Variants in SLC35F3 observed in about 807,000 individuals in gnomAD.
SLC35F3 encodes solute carrier family 35 member F3.
Under a neutral mutation model 49.9 loss-of-function variants are expected in SLC35F3, and 25 were observed. The ratio of observed to expected loss-of-function variants is 0.50; its 90% CI spans 0.37 to 0.70. The LOEUF is 0.70. Ranked by LOEUF, SLC35F3 falls within the 30% of genes least tolerant of loss-of-function variation. The pLI is 0.00. For synonymous variants in SLC35F3, 275 were observed against 265.4 expected, an observed-to-expected ratio of 1.04 and a Z score of -0.35; for missense variants, 525 against 639.8, an observed-to-expected ratio of 0.82 and a Z score of 1.94.
intron 3 of SLC35F3, among the ~76,000 whole-genome samples, chr1:234,293,981 G>C (rs1570105): frequency 6.6e-6 from 1 of 151,956 alleles, no homozygotes; most frequent in Admixed American, 6.6e-5. Context: ...TCCACAAGTC[G>C]TTATGTCTCT....
intron 2 of SLC35F3, among the ~76,000 whole-genome samples, chr1:234,139,317 T>C (rs958186489): frequency 1.3e-5 from 2 of 152,248 alleles, no homozygotes; most frequent in African/African-American, 4.8e-5. Context: ...TTATCACTGA[T>C]ATCTCTTCCA....
chr1:234,210,713 G>A (rs112614380), intron 2 of SLC35F3, among the ~76,000 whole-genome samples: 1,706 of 152,344 alleles, frequency 0.011, 22 homozygotes, highest in Middle Eastern at 0.085. Flanking sequence ...TTTGAAAAGG[G>A]AAGCAGAGCA....
chr1:234,226,963 A>G (rs12043208), intron 2 of SLC35F3, among the ~76,000 whole-genome samples: 12 of 122,170 alleles, frequency 9.8e-5, no homozygotes, highest in East Asian at 2.2e-3. Flanking sequence ...GCACGCGTGC[A>G]CACACACACA....
At chr1:233,968,003 A>G (rs950690920) in intron 2 of SLC35F3, among the ~76,000 whole-genome samples, 3 of 152,188 alleles carry the variant, frequency 2.0e-5, no homozygotes, top group Non-Finnish European at 4.4e-5. Flanking sequence ...GATGGCTGAA[A>G]ATAATAAACC....
chr1:233,923,893 T>G lies in SLC35F3; in HGVS notation c.283+18135T>G, dbSNP rs1478672713. On this transcript the variant is annotated intron_variant, in intron 2 of 7. Coordinates refer to ENST00000366618, the MANE Select transcript of SLC35F3 (RefSeq NM_173508.4). ...TGTTGAAGGCCTTTTCTGCATCTAT[T>G]GAGATAATCATGTGGTTTTTGTCGA... Among the ~76,000 whole-genome samples, 4 of 152,308 alleles carry G rather than the reference T, an allele frequency of 2.6e-5. No homozygotes were observed. In the East Asian group the frequency reaches 7.7e-4, roughly 29 times the overall value.
intron 3 of SLC35F3, among the ~76,000 whole-genome samples, chr1:234,275,036 C>A (rs986595281): frequency 1.1e-4 from 17 of 152,204 alleles, no homozygotes; most frequent in African/African-American, 4.1e-4. Context: ...ATTGCCACAA[C>A]CCTTCTGAAA....
chr1:234,042,134 C>G (rs1293360392), intron 2 of SLC35F3, among the ~76,000 whole-genome samples: 1 of 152,210 alleles, frequency 6.6e-6, no homozygotes. Context: ...GGGGTTCTCT[C>G]TCCAGCAAAC....
chr1:234,226,955 A>AGG (rs1572103604), intron 2 of SLC35F3, among the ~76,000 whole-genome samples: 1 of 141,622 alleles, frequency 7.1e-6, no homozygotes, highest in East Asian at 2.0e-4. Flanking sequence ...GCGTGCGCGC[A>AGG]CGCGTGCACA....
rs143051426 is a variant in SLC35F3 at position 234,049,396 on chromosome 1, C to CTG, written c.283+143651_283+143652dup. Among the ~76,000 whole-genome samples the CTG allele has an allele frequency of 2.9e-3, 434 of 151,580 alleles. 1 individual carries two copies. Among genetic ancestry groups the CTG allele is most frequent in the Non-Finnish European group, 4.5e-3 (305 of 67,830 alleles). On this transcript the variant is annotated intron_variant, in intron 2 of 7. Transcript: ENST00000366618. The stretch of plus-strand genomic sequence containing the variant: ...TCTCCTCTCTCTTTCTCCCCCTCTC[C>CTG]TGTGTGTGTGTGTGCACATTGGAAA...
At chr1:234,051,350 T>TTCACATC (rs1299149749) in intron 2 of SLC35F3, among the ~76,000 whole-genome samples, 1 of 152,240 alleles carries the variant, frequency 6.6e-6, no homozygotes, top group East Asian at 1.9e-4. Flanking sequence ...CAAGAGGTCC[T>TTCACATC]TCACATCCCT....
At chr1:234,105,383 G>T (rs960875551) in intron 2 of SLC35F3, among the ~76,000 whole-genome samples, 19 of 152,176 alleles carry the variant, frequency 1.2e-4, no homozygotes, top group Non-Finnish European at 2.8e-4. Flanking sequence ...CAGGGCAGGG[G>T]CTCTCCATGT....
chr1:234,277,895 AAAAG>A (rs933698550), intron 3 of SLC35F3, among the ~76,000 whole-genome samples: 3 of 152,218 alleles, frequency 2.0e-5, no homozygotes, highest in African/African-American at 2.4e-5. Context: ...TCACTTGGGA[AAAAG>A]AAAGACTAAA....
In SLC35F3 at chr1:234,231,392, C is replaced by T. The variant is rs1379288230; in HGVS notation, c.284-25C>T. 1 of 1,481,018 alleles carries T rather than the reference C, an allele frequency of 6.8e-7. No individual in the cohort carries two copies. Among genetic ancestry groups the T allele is most frequent in the Non-Finnish European group, 9.0e-7 (1 of 1,117,164 alleles). 91.7% of individuals were successfully genotyped at this position (1,481,018 alleles called of 1,614,324 possible). A position where few individuals can be genotyped will look rare whatever the true frequency, so the allele number is the denominator to read the frequency against. ...CAGGGGTGAAGGTCTGCAGGCCCCG[C>T]TAACCACGCCCTTCTCTTCCCCAGG... On this transcript the variant is annotated intron_variant, in intron 2 of 7. Transcript: ENST00000366618. The surrounding 1 kb of genome is among the most constrained non-coding windows in gnomAD (Gnocchi z 5.4).
Position 234,323,192 on chromosome 1 carries a change from C to T in SLC35F3, c.1422C>T (p.Ser474=), listed in dbSNP as rs772965165. Residue 474 remains serine (S), a synonymous_variant, in exon 8 of 8, where the codon AGC becomes AGT. Coordinates refer to ENST00000366618, the MANE Select transcript of SLC35F3 (RefSeq NM_173508.4). The surrounding 1 kb of genome is among the most constrained non-coding windows in gnomAD (Gnocchi z 4.5). ...CTGCAGAGGGCGCTGCCGACCTGAG[C>T]TCAGGACCTCAGAGCAAGAACAGAA... ...EEPAEGAADL[S]SGPQSKNRRA... is the part of the protein sequence containing the mutation. 14 of 1,614,022 alleles carry T rather than the reference C, an allele frequency of 8.7e-6. No homozygotes were observed. Among genetic ancestry groups the T allele is most frequent in the African/African-American group, 1.3e-5 (1 of 74,892 alleles).
chr1:234,286,960 A>T (rs972152632), intron 3 of SLC35F3, among the ~76,000 whole-genome samples: 4 of 152,228 alleles, frequency 2.6e-5, no homozygotes. Context: ...GCTTCAGGCC[A>T]GGAGTTTGAG....
At chr1:234,018,962 C>T (rs1250127230) in intron 2 of SLC35F3, among the ~76,000 whole-genome samples, 1 of 152,188 alleles carries the variant, frequency 6.6e-6, no homozygotes, top group Non-Finnish European at 1.5e-5. Context: ...ATTGATAATT[C>T]AAGAAATAGC....
chr1:234,061,311 A>G (rs537373487), intron 2 of SLC35F3, among the ~76,000 whole-genome samples: 11 of 152,108 alleles, frequency 7.2e-5, no homozygotes, highest in African/African-American at 2.4e-4. Flanking sequence ...TGTTGTTTCT[A>G]TTGAGAAGTC....
At chr1:233,988,270 C>T (rs1340458001) in intron 2 of SLC35F3, among the ~76,000 whole-genome samples, 7 of 152,174 alleles carry the variant, frequency 4.6e-5, no homozygotes, top group Admixed American at 4.6e-4. Context: ...ATCATCCAGG[C>T]TCTTGCTTAA....
chr1:234,258,610 A>G (rs1400200247), intron 3 of SLC35F3, among the ~76,000 whole-genome samples: 3 of 152,242 alleles, frequency 2.0e-5, no homozygotes, highest in African/African-American at 7.2e-5. Context: ...GAAAGAGGCT[A>G]TTATCATCCT....
Sources: gnomAD v4.1 joint callset for allele counts (sites outside exome capture counted in the v4.1 genomes callset) on GRCh38, gnomAD v4.1.1 for gene constraint, Gnocchi (gnomAD v3.1) non-coding constraint, MANE v1.5 for transcripts, NCBI Gene and HGNC (gene_info 2026-07-23, HGNC 2026-07-21) for gene names.